The following THSD7A variants were observed in gnomAD, a reference collection of about 807,000 sequenced individuals.
The protein encoded by THSD7A is thrombospondin type 1 domain containing 7A.
In THSD7A, 96 loss-of-function variants were observed where a neutral mutation model predicts 231.3. That is an observed-to-expected ratio of 0.41 (90% CI 0.35 to 0.49). The LOEUF is 0.49. THSD7A is among the 20% of genes least tolerant of loss of function. The pLI is 0.05. For synonymous variants in THSD7A, 940 were observed against 743.3 expected, an observed-to-expected ratio of 1.26 and a Z score of -4.30; for missense variants, 2,290 against 2,070.2, an observed-to-expected ratio of 1.11 and a Z score of -2.06.
rs565375783 is a variant in THSD7A at position 11,825,914 on chromosome 7, G to A, written c.190+5843C>T. On this transcript the variant is annotated intron_variant, in intron 1 of 27. Transcript: ENST00000423059. ...AGAACAATTGAAGTTTAAAACACTT[G>A]TATTGGGATAATGCCACCTCATTTT... Among the ~76,000 whole-genome samples the A allele has an allele frequency of 2.6e-5, 4 of 152,250 alleles. No individual in the cohort carries two copies. In the South Asian group the frequency reaches 8.3e-4, roughly 32 times the overall value.
At chr7:11,436,610 T>TATA (rs1188204368) in intron 13 of THSD7A, among the ~76,000 whole-genome samples, 1 of 152,036 alleles carries the variant, frequency 6.6e-6, no homozygotes, top group Non-Finnish European at 1.5e-5. Flanking sequence ...CTAAATAGAT[T>TATA]ATAATTGGAA....
chr7:11,774,865 GC>G (rs1321163157), intron 1 of THSD7A, among the ~76,000 whole-genome samples: 1 of 152,138 alleles, frequency 6.6e-6, no homozygotes, highest in Non-Finnish European at 1.5e-5. Context: ...GACCAGCCTG[GC>G]CAACATGGCG....
At chr7:11,398,396 G>T (rs11772219) in intron 23 of THSD7A, among the ~76,000 whole-genome samples, 56,869 of 151,682 alleles carry the variant, frequency 0.37, 11,032 homozygotes, top group African/African-American at 0.47. Context: ...AGGGGTAGGG[G>T]CTAGGGGAGG....
intron 4 of THSD7A, among the ~76,000 whole-genome samples, chr7:11,559,028 A>G (rs62434474): frequency 0.056 from 8,494 of 152,232 alleles, 329 homozygotes; most frequent in African/African-American, 0.091. Context: ...TTGATATGCC[A>G]TTGCTGGCTT....
chr7:11,546,202 G>GCGCGCACACACACA (rs761841418), intron 4 of THSD7A, among the ~76,000 whole-genome samples: 1,547 of 129,434 alleles, frequency 0.012, 19 homozygotes, highest in Non-Finnish European at 0.014. Flanking sequence ...GTGGGCGCGC[G>GCGCGCACACACACA]CTCACACACA....
At chr7:11,827,104 A>C (rs2128188687) in intron 1 of THSD7A, among the ~76,000 whole-genome samples, 1 of 152,268 alleles carries the variant, frequency 6.6e-6, no homozygotes, top group South Asian at 2.1e-4. Context: ...CCTAGGTTCA[A>C]GCAATCCTTC....
chr7:11,620,550 T>A (rs755529520), intron 2 of THSD7A, among the ~76,000 whole-genome samples: 1 of 152,186 alleles, frequency 6.6e-6, no homozygotes, highest in African/African-American at 2.4e-5. Context: ...CTGTATTTTC[T>A]GGATATTGAA....
Position 11,597,080 on chromosome 7 carries a change from A to C in THSD7A, c.1023-3578T>G, listed in dbSNP as rs1160909214. Among the ~76,000 whole-genome samples the C allele has an allele frequency of 2.6e-5, 4 of 152,226 alleles. No individual in the cohort carries two copies. The South Asian group carries it at 8.3e-4, about 32-fold the overall frequency. On this transcript the variant is annotated intron_variant, in intron 2 of 27. Coordinates refer to ENST00000423059, the MANE Select transcript of THSD7A (RefSeq NM_015204.3). ...ACATTGATGACATTATGCTGATTAG[A>C]TCCAGTGAGATCTAGTTCTAGAAGT...
At chr7:11,754,643 T>A (rs1253970225) in intron 1 of THSD7A, among the ~76,000 whole-genome samples, 1 of 152,106 alleles carries the variant, frequency 6.6e-6, no homozygotes, top group East Asian at 1.9e-4. Flanking sequence ...TTAAACAAAT[T>A]CTTGTTATTC....
At chr7:11,822,834 A>G (rs1015413650) in intron 1 of THSD7A, among the ~76,000 whole-genome samples, 3 of 151,910 alleles carry the variant, frequency 2.0e-5, no homozygotes, top group Non-Finnish European at 2.9e-5. Flanking sequence ...TACAATATCT[A>G]GTATACTCTA....
At chr7:11,393,697 G>A (rs1783072494) in intron 23 of THSD7A, among the ~76,000 whole-genome samples, 1 of 152,130 alleles carries the variant, frequency 6.6e-6, no homozygotes, top group Non-Finnish European at 1.5e-5. Flanking sequence ...GAAAAACACA[G>A]CTCAAAAATT....
intron 7 of THSD7A, among the ~76,000 whole-genome samples, chr7:11,477,487 A>G (rs1169094731): frequency 6.7e-6 from 1 of 150,028 alleles, no homozygotes; most frequent in Non-Finnish European, 1.5e-5. Context: ...TTAGGGAAAT[A>G]TTTGAGACTA....
chr7:11,794,480 C>T (rs933295401), intron 1 of THSD7A, among the ~76,000 whole-genome samples: 1 of 151,960 alleles, frequency 6.6e-6, no homozygotes, highest in Non-Finnish European at 1.5e-5. Context: ...CTCTTCTTTT[C>T]TACACATCGA....
chr7:11,508,560 C>A (rs1787656712), intron 6 of THSD7A, among the ~76,000 whole-genome samples: 1 of 152,144 alleles, frequency 6.6e-6, no homozygotes, highest in African/African-American at 2.4e-5. Flanking sequence ...ATTAAAAATA[C>A]AACTACTACA....
chr7:11,652,624 G>T (rs988002982), intron 1 of THSD7A, among the ~76,000 whole-genome samples: 6 of 151,500 alleles, frequency 4.0e-5, no homozygotes, highest in African/African-American at 1.2e-4. Flanking sequence ...TATCAAAATT[G>T]GTTCATTTAT....
chr7:11,781,477 G>C (rs1396300916), intron 1 of THSD7A, among the ~76,000 whole-genome samples: 2 of 151,922 alleles, frequency 1.3e-5, no homozygotes, highest in Non-Finnish European at 2.9e-5. Flanking sequence ...CAAAAAAGAA[G>C]ACGAAAAGAA....
intron 16 of THSD7A, 79 bp downstream of exon 16, chr7:11,424,617 T>G: frequency 6.4e-7 from 1 of 1,567,888 alleles, no homozygotes; most frequent in South Asian, 1.2e-5. Context: ...TGGGGAGGAG[T>G]GAACAGTCAT....
chr7:11,650,393 T>C (rs1032665490), intron 1 of THSD7A, among the ~76,000 whole-genome samples: 1 of 152,086 alleles, frequency 6.6e-6, no homozygotes, highest in African/African-American at 2.4e-5. Context: ...TCATTCCCCA[T>C]CTACAATGCA....
chr7:11,656,692 G>A (rs1161097451), intron 1 of THSD7A, among the ~76,000 whole-genome samples: 1 of 151,754 alleles, frequency 6.6e-6, no homozygotes, highest in East Asian at 1.9e-4. Context: ...AATATTATGT[G>A]TGTCTAGAAT....
Sources: gnomAD v4.1 joint callset for allele counts (sites outside exome capture counted in the v4.1 genomes callset) on GRCh38, gnomAD v4.1.1 for gene constraint, MANE v1.5 for transcripts, NCBI Gene and HGNC (gene_info 2026-07-23, HGNC 2026-07-21) for gene names.